Variants in HIP1 observed in about 807,000 individuals in gnomAD.
HIP1 encodes huntingtin interacting protein 1, also known as huntingtin-interacting protein 1.
Under a neutral mutation model 147.6 loss-of-function variants are expected in HIP1, and 65 were observed. That is an observed-to-expected ratio of 0.44 (90% CI 0.36 to 0.54). The LOEUF is 0.54. Among genes scored for constraint, HIP1 ranks in the 20% least tolerant of loss-of-function variants. HIP1 has a pLI of 0.00. For missense variants in HIP1, 1,061 were observed against 1,299.6 expected (o/e 0.82, Z 2.82); for synonymous variants, 479 against 504.0 (o/e 0.95, Z 0.67).
intron 1 of HIP1, among the ~76,000 whole-genome samples, chr7:75,630,841 T>A (rs1798188231): frequency 6.6e-6 from 1 of 152,214 alleles, no homozygotes; most frequent in Non-Finnish European, 1.5e-5. Context: ...AATGCTCCCC[T>A]CTTTCCCTGA....
chr7:75,569,609 GAAACAAAACA>G (rs782397927), intron 8 of HIP1, among the ~76,000 whole-genome samples: 13 of 152,064 alleles, frequency 8.5e-5, no homozygotes, highest in East Asian at 1.9e-4. Context: ...ACCCTGTCTT[GAAACAAAACA>G]AAACAAAACA....
Position 75,582,811 on chromosome 7 carries a change from C to A in HIP1, c.466-660G>T, listed in dbSNP as rs1240610678. 4.6e-5 allele frequency among the ~76,000 whole-genome samples: 7 copies of A among 151,892 alleles called. No individual in the cohort carries two copies. In the South Asian group the frequency reaches 1.2e-3, roughly 27 times the overall value. ...AAGAGTGAGACTCCGTCTCCCCCAC[C>A]GCAAAAAAAAGAAAAAAAAATCCCC... On this transcript the variant is annotated intron_variant, in intron 5 of 30. Transcript: ENST00000336926.
In HIP1 at chr7:75,636,384, A is replaced by G. The variant is rs587698151; in HGVS notation, c.121-37137T>C. Reference sequence around the variant, plus strand: ...AAAAAAAAATCACGCAGAATCAGGTAAACTATAATCTGCTTTTCCTCACTC... The same window carrying G: ...AAAAAAAAATCACGCAGAATCAGGTGAACTATAATCTGCTTTTCCTCACTC... On this transcript the variant is annotated intron_variant, in intron 1 of 30. Transcript: ENST00000336926. Among the ~76,000 whole-genome samples, 38 of 152,174 alleles carry G rather than the reference A, an allele frequency of 2.5e-4. No individual in the cohort carries two copies. The South Asian group carries it at 7.9e-3, about 32-fold the overall frequency.
At chr7:75,693,919 C>CTTT (rs10628011) in intron 1 of HIP1, among the ~76,000 whole-genome samples, 4,138 of 114,818 alleles carry the variant, frequency 0.036, 491 homozygotes, top group African/African-American at 0.13. Context: ...ATTCTCTTTT[C>CTTT]TTTTTTTTTT....
chr7:75,679,212 T>C (rs1799986515), intron 1 of HIP1, among the ~76,000 whole-genome samples: 1 of 152,216 alleles, frequency 6.6e-6, no homozygotes, highest in South Asian at 2.1e-4. Context: ...TGTTTGTTTT[T>C]GTTTTGTTTT....
intron 2 of HIP1, among the ~76,000 whole-genome samples, chr7:75,595,213 T>C (rs1306946398): frequency 1.2e-5 from 1 of 80,260 alleles, no homozygotes; most frequent in African/African-American, 6.6e-5. Context: ...TCTTTCTTTC[T>C]TTCTTTCTTT....
At chr7:75,690,134 G>A (rs1488004067) in intron 1 of HIP1, among the ~76,000 whole-genome samples, 1 of 152,080 alleles carries the variant, frequency 6.6e-6, no homozygotes, top group Non-Finnish European at 1.5e-5. Flanking sequence ...AATTAGCTGG[G>A]CTTGGCGGCA....
chr7:75,570,222 G>A (rs1013733680), intron 8 of HIP1, among the ~76,000 whole-genome samples: 5 of 151,464 alleles, frequency 3.3e-5, no homozygotes, highest in South Asian at 4.2e-4. Flanking sequence ...GTGAGTCACC[G>A]TGCCCTGCCT....
intron 1 of HIP1, among the ~76,000 whole-genome samples, chr7:75,646,061 C>T (rs1798790895): frequency 6.6e-6 from 1 of 152,096 alleles, no homozygotes; most frequent in African/African-American, 2.4e-5. Flanking sequence ...CAAACCTGCA[C>T]ATGTACCCCC....
chr7:75,646,316 A>G lies in HIP1; in HGVS notation c.121-47069T>C, dbSNP rs940289646. 6.6e-5 allele frequency among the ~76,000 whole-genome samples: 10 copies of G among 152,248 alleles called. No individual in the cohort carries two copies. In the South Asian group the frequency reaches 1.4e-3, roughly 22 times the overall value. On this transcript the variant is annotated intron_variant, in intron 1 of 30. Transcript: ENST00000336926. ...TGACCAGGCTGGCGTCGAACTCCTG[A>G]CCTCAGGTGATCCACTCATCTCGGC...
chr7:75,602,286 C>G (rs1554503096), intron 1 of HIP1, among the ~76,000 whole-genome samples: 1 of 148,408 alleles, frequency 6.7e-6, no homozygotes, highest in Admixed American at 6.8e-5. Context: ...CAGGCGTGAG[C>G]CACAGCACCT....
intron 4 of HIP1, among the ~76,000 whole-genome samples, chr7:75,589,746 T>C (rs2116960319): frequency 6.6e-6 from 1 of 151,230 alleles, no homozygotes; most frequent in South Asian, 2.1e-4. Flanking sequence ...TTTGTTTTTT[T>C]TTGAGACGAA....
intron 1 of HIP1, among the ~76,000 whole-genome samples, chr7:75,696,151 C>G (rs1334141640): frequency 1.3e-5 from 2 of 151,776 alleles, no homozygotes; most frequent in Non-Finnish European, 2.9e-5. Flanking sequence ...CCATGCCCGG[C>G]TAATGTTTGC....
intron 28 of HIP1, among the ~76,000 whole-genome samples, chr7:75,542,592 G>A (rs1163889352): frequency 3.9e-5 from 6 of 152,038 alleles, no homozygotes; most frequent in African/African-American, 1.4e-4. Context: ...CTAGCTACTC[G>A]GGAAGCTGAG....
intron 1 of HIP1, 62 bp from the exon 2 acceptor site, chr7:75,599,309 G>GCCCCTTTCTCCTCCC: frequency 7.7e-7 from 1 of 1,297,186 alleles, no homozygotes; most frequent in Non-Finnish European, 1.1e-6. Context: ...GAGAGTGGCT[G>GCCCCTTTCTCCTCCC]AGACCCTCCC....
chr7:75,710,639 G>A (rs1554520057), intron 1 of HIP1, among the ~76,000 whole-genome samples: 1 of 152,156 alleles, frequency 6.6e-6, no homozygotes, highest in Non-Finnish European at 1.5e-5. Flanking sequence ...TGTAGGCCCA[G>A]CTACTTGGGA....
intron 1 of HIP1, among the ~76,000 whole-genome samples, chr7:75,670,406 G>A (rs1799698327): frequency 1.3e-5 from 2 of 151,922 alleles, no homozygotes; most frequent in African/African-American, 4.8e-5. Flanking sequence ...ATATCTGCCT[G>A]CCTCAGCCTC....
chr7:75,568,328 AG>A lies in HIP1; in HGVS notation c.746-73del. 1 of 964,178 alleles carries A rather than the reference AG, an allele frequency of 1.0e-6. No homozygotes were observed. Among genetic ancestry groups the A allele is most frequent in the Non-Finnish European group, 1.7e-6 (1 of 588,974 alleles). The allele number at this position is 964,178 out of a possible 1,614,324, so 59.7% of individuals were successfully genotyped here. A position where few individuals can be genotyped will look rare whatever the true frequency, so the allele number is the denominator to read the frequency against. On this transcript the variant is annotated intron_variant, in intron 8 of 30. Transcript: ENST00000336926. This position sits in a 1 kb window ranked among gnomAD's most constrained non-coding sequence, Gnocchi z 4.1. ...CAGGGAAGCCACAGCGGGGCTCTCG[AG>A]GGGGAGGGGCCCAGCTACCCTGGGG... is the stretch of plus-strand genomic sequence containing the variant.
chr7:75,633,047 T>A (rs1444239092), intron 1 of HIP1, among the ~76,000 whole-genome samples: 4 of 152,094 alleles, frequency 2.6e-5, no homozygotes, highest in Admixed American at 2.0e-4. Flanking sequence ...ATCTAATGGA[T>A]GTTGGGCTTA....
Sources: gnomAD v4.1 joint callset for allele counts (sites outside exome capture counted in the v4.1 genomes callset) on GRCh38, gnomAD v4.1.1 for gene constraint, Gnocchi (gnomAD v3.1) non-coding constraint, MANE v1.5 for transcripts, NCBI Gene and HGNC (gene_info 2026-07-23, HGNC 2026-07-21) for gene names.